FRMD5: variants seen among roughly 807,000 people sequenced by gnomAD.
FRMD5 encodes FERM domain-containing protein 5.
In FRMD5, 20 loss-of-function variants were observed where a neutral mutation model predicts 69.0. That is an observed-to-expected ratio of 0.29 (90% CI 0.20 to 0.42). The LOEUF (loss-of-function observed/expected upper bound fraction) is 0.42, where lower values mean the gene tolerates loss of function less well. Ranked by LOEUF, FRMD5 falls within the 10% of genes least tolerant of loss-of-function variation. FRMD5 has a pLI of 1.00. For missense variants in FRMD5, 595 were observed against 708.6 expected, an observed-to-expected ratio of 0.84 and a Z score of 1.82; for synonymous variants, 271 against 260.1, an observed-to-expected ratio of 1.04 and a Z score of -0.40.
At chr15:44,068,001 A>T (rs190849886) in intron 1 of FRMD5, among the ~76,000 whole-genome samples, 1 of 152,358 alleles carries the variant, frequency 6.6e-6, no homozygotes, top group African/African-American at 2.4e-5. Context: ...ATTTATCATT[A>T]AAGAAATGCA....
intron 13 of FRMD5, among the ~76,000 whole-genome samples, chr15:43,880,916 G>A (rs959539943): frequency 9.2e-5 from 14 of 152,220 alleles, no homozygotes; most frequent in African/African-American, 2.4e-4. Context: ...GAGGCTGGAG[G>A]TAAAGCCAGA....
intron 1 of FRMD5, among the ~76,000 whole-genome samples, chr15:43,991,302 C>G (rs1042476492): frequency 6.6e-6 from 1 of 152,218 alleles, no homozygotes; most frequent in Non-Finnish European, 1.5e-5. Flanking sequence ...GAGTGGAACT[C>G]TGATGGGAAA....
chr15:44,156,091 T>A (rs966455692), intron 1 of FRMD5, among the ~76,000 whole-genome samples: 6 of 152,168 alleles, frequency 3.9e-5, no homozygotes, highest in African/African-American at 1.4e-4. Context: ...ATATTTAGTC[T>A]CAGTGAACTG....
intron 1 of FRMD5, among the ~76,000 whole-genome samples, chr15:44,042,907 A>G (rs1202839662): frequency 1.3e-5 from 2 of 152,242 alleles, no homozygotes; most frequent in Non-Finnish European, 2.9e-5. Flanking sequence ...TATTCAACAT[A>G]GTATTGGAAG....
At chr15:44,093,439 G>GTT in intron 1 of FRMD5, among the ~76,000 whole-genome samples, 1 of 152,164 alleles carries the variant, frequency 6.6e-6, no homozygotes, top group Non-Finnish European at 1.5e-5. Flanking sequence ...CTCCTGAAGA[G>GTT]TTATTTAATC....
At chr15:44,097,661 C>T (rs1182236089) in intron 1 of FRMD5, among the ~76,000 whole-genome samples, 2 of 152,168 alleles carry the variant, frequency 1.3e-5, no homozygotes, top group African/African-American at 4.8e-5. Flanking sequence ...CTTGGAGATT[C>T]AGACTAGTAA....
Position 43,910,600 on chromosome 15 carries a change from A to T in FRMD5, c.330-621T>A, listed in dbSNP as rs535378155. Among the ~76,000 whole-genome samples the T allele has an allele frequency of 1.2e-3, 176 of 150,146 alleles. 2 individuals carry two copies. The South Asian group carries it at 0.013, about 11-fold the overall frequency. On this transcript the variant is annotated intron_variant, in intron 4 of 13. Transcript: ENST00000417257. ...AAAAAAAAAAAAAAAAAAAAAAAAAATTGCAACAAGAGGCACTGGTGAAAG... is the reference window on the plus strand; with the variant it reads ...AAAAAAAAAAAAAAAAAAAAAAAAATTTGCAACAAGAGGCACTGGTGAAAG...
chr15:44,004,140 C>G (rs1890332984), intron 1 of FRMD5, among the ~76,000 whole-genome samples: 8 of 152,122 alleles, frequency 5.3e-5, no homozygotes, highest in Admixed American at 5.2e-4. Flanking sequence ...TTTTTCAAAC[C>G]AGCATTCTCT....
chr15:44,003,745 C>A (rs1302996457), intron 1 of FRMD5, among the ~76,000 whole-genome samples: 1 of 152,238 alleles, frequency 6.6e-6, no homozygotes. Flanking sequence ...CCAACTCTAG[C>A]AGTCCCCATT....
rs554510372 is a variant in FRMD5, at chr15:44,050,900, T to G, written c.103-126591A>C. On this transcript the variant is annotated intron_variant, in intron 1 of 13. Transcript: ENST00000417257. Reference sequence around the variant, plus strand: ...CTCAAACTCCTGACCTCAAGCGATCTGCCTGCCTCAGCCTCCCAAAGTGCT... The same window carrying G: ...CTCAAACTCCTGACCTCAAGCGATCGGCCTGCCTCAGCCTCCCAAAGTGCT... Among the ~76,000 whole-genome samples, 5 of 151,880 alleles carry G rather than the reference T, an allele frequency of 3.3e-5. 1 individual carries two copies. Among genetic ancestry groups the G allele is most frequent in the African/African-American group, 1.2e-4 (5 of 41,440 alleles).
intron 5 of FRMD5, among the ~76,000 whole-genome samples, chr15:43,906,847 C>T (rs541876157): frequency 5.5e-4 from 84 of 151,664 alleles, no homozygotes; most frequent in African/African-American, 2.0e-3. Flanking sequence ...GTGATCCGCC[C>T]GCCTTGGCCT....
At position 44,098,309 on chromosome 15, in the gene FRMD5, G is replaced by A. The variant is rs1320456764; in HGVS notation, c.102+96644C>T. On this transcript the variant is annotated intron_variant, in intron 1 of 13. Transcript: ENST00000417257. ...TGGGAGGCCAAGGCGGGCAGATCAC[G>A]AGGTCAAGAGATCGAGACCATCCTA... 3.3e-5 allele frequency among the ~76,000 whole-genome samples: 5 copies of A among 152,038 alleles called. No individual in the cohort carries two copies. The South Asian group carries it at 6.2e-4, about 19-fold the overall frequency.
intron 1 of FRMD5, among the ~76,000 whole-genome samples, chr15:43,999,076 A>T (rs961720616): frequency 1.3e-5 from 2 of 151,116 alleles, no homozygotes; most frequent in Non-Finnish European, 3.0e-5. Context: ...TTTCATTTTT[A>T]TTTTTTTTTC....
intron 1 of FRMD5, among the ~76,000 whole-genome samples, chr15:44,036,562 A>C (rs1891922128): frequency 6.6e-6 from 1 of 152,208 alleles, no homozygotes; most frequent in Non-Finnish European, 1.5e-5. Context: ...CCTCATCAAT[A>C]AAATGGAGCT....
At chr15:44,023,688 A>G (rs1329935125) in intron 1 of FRMD5, among the ~76,000 whole-genome samples, 1 of 152,324 alleles carries the variant, frequency 6.6e-6, no homozygotes, top group Non-Finnish European at 1.5e-5. Context: ...TCTAAAAACA[A>G]AATTACAAGA....
chr15:44,149,287 AGAAAG>A (rs1300715920), intron 1 of FRMD5, among the ~76,000 whole-genome samples: 2 of 152,170 alleles, frequency 1.3e-5, no homozygotes, highest in African/African-American at 2.4e-5. Flanking sequence ...AAAAGAAATA[AGAAAG>A]GAATGTAAAT....
intron 1 of FRMD5, among the ~76,000 whole-genome samples, chr15:43,968,906 C>CA (rs2090334753): frequency 6.6e-6 from 1 of 152,014 alleles, no homozygotes; most frequent in African/African-American, 2.4e-5. Context: ...TTTATTTTCA[C>CA]AAAAATCCTA....
chr15:44,037,881 C>A (rs531788261), intron 1 of FRMD5, among the ~76,000 whole-genome samples: 20 of 152,318 alleles, frequency 1.3e-4, no homozygotes, highest in African/African-American at 4.6e-4. Context: ...AATCACCACA[C>A]TGTCTTCCAC....
intron 1 of FRMD5, among the ~76,000 whole-genome samples, chr15:44,030,280 G>A (rs561370513): frequency 4.6e-5 from 7 of 152,012 alleles, no homozygotes; most frequent in Admixed American, 2.6e-4. Context: ...TAAGATTTAC[G>A]TATCCAAATC....
Sources: allele counts gnomAD v4.1 joint callset (sites outside exome capture counted in the v4.1 genomes callset), GRCh38; gene constraint gnomAD v4.1.1; transcripts MANE v1.5; gene names NCBI Gene and HGNC (gene_info 2026-07-23, HGNC 2026-07-21).